CNKSR2: variants seen among roughly 807,000 people sequenced by gnomAD.
CNKSR2 encodes CNK homolog protein 2.
CNKSR2 carries 14 observed loss-of-function variants against 84.4 expected under a neutral mutation model. The ratio of observed to expected loss-of-function variants is 0.17; its 90% CI spans 0.11 to 0.26. The LOEUF is 0.26. CNKSR2 is among the 10% of genes least tolerant of loss of function. The pLI is 1.00. For missense variants in CNKSR2, 485 were observed against 771.2 expected (o/e 0.63, Z 4.40); for synonymous variants, 275 against 277.9 (o/e 0.99, Z 0.10).
At chrX:21,604,655 C>A (rs899390440) in intron 18 of CNKSR2, among the ~76,000 whole-genome samples, 1 of 110,964 alleles carries the variant, frequency 9.0e-6, no homozygotes, top group Non-Finnish European at 1.9e-5. Flanking sequence ...GAGGTATTAA[C>A]GCCTTGAAGG....
At chrX:21,583,197 A>G (rs1217814754) in intron 13 of CNKSR2, among the ~76,000 whole-genome samples, 1 of 111,538 alleles carries the variant, frequency 9.0e-6, no homozygotes, top group Admixed American at 9.5e-5. Flanking sequence ...CTCTAATGAA[A>G]GACCTACGGT....
chrX:21,399,215 C>A (rs753255695), intron 1 of CNKSR2, among the ~76,000 whole-genome samples: 60 of 111,203 alleles, frequency 5.4e-4, no homozygotes, highest in African/African-American at 1.8e-3. Flanking sequence ...AAATAAATAA[C>A]CTGAAAGCAT....
At chrX:21,575,022 C>A (rs1037751698) in intron 13 of CNKSR2, among the ~76,000 whole-genome samples, 1 of 111,195 alleles carries the variant, frequency 9.0e-6, no homozygotes, top group Non-Finnish European at 1.9e-5. Flanking sequence ...CCCAACAGTA[C>A]TTACAGAGTA....
In CNKSR2 at chrX:21,425,408, C is replaced by T. The variant is rs769090441; in HGVS notation, c.65-1089C>T. The T allele has an allele frequency of 4.5e-5, 5 of 111,982 alleles. No homozygotes were observed. The South Asian group carries it at 1.9e-3, about 42-fold the overall frequency. The allele number at this position is 111,982 out of a possible 1,213,427, so 9.2% of individuals were successfully genotyped here. On this transcript the variant is annotated intron_variant, in intron 1 of 21. Coordinates refer to ENST00000379510, the MANE Select transcript of CNKSR2 (RefSeq NM_014927.5). Reference sequence around the variant, plus strand: ...GAGACTATAGTAAAGACATCTGTGGCCTTATACTAGACCCTGTCAGGAATC... The same window carrying T: ...GAGACTATAGTAAAGACATCTGTGGTCTTATACTAGACCCTGTCAGGAATC...
chrX:21,534,527 G>A (rs2091911167), intron 11 of CNKSR2, among the ~76,000 whole-genome samples: 1 of 109,924 alleles, frequency 9.1e-6, no homozygotes, highest in African/African-American at 3.3e-5. Flanking sequence ...TTACTATAAT[G>A]ACGGTACCAA....
At chrX:21,647,862 G>A (rs2092710339) in intron 20 of CNKSR2, among the ~76,000 whole-genome samples, 1 of 110,966 alleles carries the variant, frequency 9.0e-6, no homozygotes, top group Non-Finnish European at 1.9e-5. Flanking sequence ...ATATGATTCT[G>A]GCTATCTATT....
intron 3 of CNKSR2, among the ~76,000 whole-genome samples, chrX:21,434,343 C>A (rs1405883345): frequency 9.0e-6 from 1 of 111,383 alleles, no homozygotes; most frequent in Non-Finnish European, 1.9e-5. Context: ...CTATAGTAGT[C>A]CTTGAGATTT....
At chrX:21,502,677 T>C (rs2091571219) in intron 8 of CNKSR2, among the ~76,000 whole-genome samples, 2 of 111,721 alleles carry the variant, frequency 1.8e-5, no homozygotes, top group Admixed American at 9.5e-5. Context: ...TAGACACTGA[T>C]AATTAAAGCC....
At chrX:21,645,194 A>G (rs2092703418) in intron 20 of CNKSR2, 1 of 111,831 alleles carries the variant, frequency 8.9e-6, no homozygotes, top group Non-Finnish European at 1.9e-5. Flanking sequence ...CACCCCGTCA[A>G]GTATGACACA....
chrX:21,599,311 A>G (rs915147151), intron 17 of CNKSR2, among the ~76,000 whole-genome samples: 6 of 107,173 alleles, frequency 5.6e-5, no homozygotes, highest in African/African-American at 2.0e-4. Context: ...TTCTGATAAG[A>G]TGAAATTTCA....
At chrX:21,464,885 C>G (rs1460190709) in intron 4 of CNKSR2, among the ~76,000 whole-genome samples, 1 of 112,201 alleles carries the variant, frequency 8.9e-6, no homozygotes, top group African/African-American at 3.2e-5. Context: ...AAAACAAAAA[C>G]AAAAATTTTC....
At chrX:21,393,587 G>A (rs1476299202) in intron 1 of CNKSR2, among the ~76,000 whole-genome samples, 3 of 111,986 alleles carry the variant, frequency 2.7e-5, no homozygotes, top group Non-Finnish European at 5.6e-5. Flanking sequence ...CAGATTTAGG[G>A]TGGCTAGCTA....
At chrX:21,466,576 TGGTTTTGTTGTTCTTTTTTTTGTTTTGA>T (rs1248242632) in intron 4 of CNKSR2, among the ~76,000 whole-genome samples, 2 of 111,442 alleles carry the variant, frequency 1.8e-5, no homozygotes, top group Non-Finnish European at 1.9e-5. Context: ...TCTCTCTGTT[TGGTTTTGTTGTTCTTTTTTTTGTTTTGA>T]GGCAGAGTCT....
At chrX:21,555,043 C>T (rs2092127094) in intron 11 of CNKSR2, among the ~76,000 whole-genome samples, 1 of 103,356 alleles carries the variant, frequency 9.7e-6, no homozygotes, top group Non-Finnish European at 2.0e-5. Flanking sequence ...AATAGCCATT[C>T]TGACAGGTGT....
chrX:21,415,841 C>T (rs866363516), intron 1 of CNKSR2, among the ~76,000 whole-genome samples: 2 of 86,153 alleles, frequency 2.3e-5, no homozygotes, highest in African/African-American at 4.7e-5. Flanking sequence ...TATACACACA[C>T]ACACACACAC....
Position 21,567,795 on chromosome X carries a change from G to GGTGTGT in CNKSR2, c.1608+4384_1608+4389dup, listed in dbSNP as rs58020537. 2.6e-3 allele frequency among the ~76,000 whole-genome samples: 238 copies of GGTGTGT among 90,134 alleles called. 1 individual carries two copies. Among genetic ancestry groups the GGTGTGT allele is most frequent in the African/African-American group, 8.9e-3 (220 of 24,813 alleles). 78.3% of individuals were successfully genotyped at this position (90,134 alleles called of 115,157 possible). On this transcript the variant is annotated intron_variant, in intron 13 of 21. Coordinates refer to ENST00000379510, the MANE Select transcript of CNKSR2 (RefSeq NM_014927.5). ...ACAAGGCAGACAGAAGTTTTTGTGTGGTGTGTGTGTGTGTGTGTGTGTGTG... is the reference window on the plus strand; with the variant it reads ...ACAAGGCAGACAGAAGTTTTTGTGTGGTGTGTGTGTGTGTGTGTGTGTGTGTGTGTG...
In CNKSR2 at chrX:21,490,452, C is replaced by T. The variant is rs1463421422; in HGVS notation, c.562-7C>T. 2.5e-6 allele frequency: 3 copies of T among 1,194,358 alleles called. No individual in the cohort carries two copies. Among genetic ancestry groups the T allele is most frequent in the African/African-American group, 1.7e-5 (1 of 57,269 alleles). On this transcript the variant is annotated splice_region_variant and splice_polypyrimidine_tract_variant and intron_variant, in intron 5 of 21. Transcript: ENST00000379510. ...TACCACAACTATTTTTGTTTTTGTG[C>T]TTCCAGTGTAAAACTCTTTCTGGAG...
At chrX:21,414,349 T>C (rs2090387539) in intron 1 of CNKSR2, among the ~76,000 whole-genome samples, 1 of 111,407 alleles carries the variant, frequency 9.0e-6, no homozygotes, top group Admixed American at 9.5e-5. Flanking sequence ...TCATATACCT[T>C]ATGGCCGTTT....
intron 3 of CNKSR2, 96 bp downstream of exon 3, chrX:21,432,910 C>A: frequency 2.4e-6 from 2 of 820,769 alleles, no homozygotes; most frequent in Non-Finnish European, 3.6e-6. Context: ...ATTGGACAGG[C>A]AGAGGAGTAC....
Sources: gnomAD v4.1 joint callset for allele counts (sites outside exome capture counted in the v4.1 genomes callset) on GRCh38, gnomAD v4.1.1 for gene constraint, MANE v1.5 for transcripts, NCBI Gene and HGNC (gene_info 2026-07-23, HGNC 2026-07-21) for gene names.